The following GDPD4 variants were observed in gnomAD, a reference collection of about 807,000 sequenced individuals.
GDPD4 encodes the protein glycerophosphodiester phosphodiesterase 6.
GDPD4 carries 60 observed loss-of-function variants against 67.8 expected under a neutral mutation model. That is an observed-to-expected ratio of 0.88 (90% confidence interval 0.72 to 1.10). The LOEUF (loss-of-function observed/expected upper bound fraction) is 1.10, where lower values mean the gene tolerates loss of function less well. Ranked by LOEUF, GDPD4 falls within the 50% of genes least tolerant of loss-of-function variation. GDPD4 has a pLI of 0.00. For missense variants in GDPD4, 623 were observed against 613.9 expected, an observed-to-expected ratio of 1.01 and a Z score of -0.16; for synonymous variants, 212 against 210.9, an observed-to-expected ratio of 1.00 and a Z score of -0.04.
intron 11 of GDPD4, among the ~76,000 whole-genome samples, chr11:77,250,050 C>G (rs536491799): frequency 1.3e-4 from 20 of 152,076 alleles, no homozygotes; most frequent in African/African-American, 4.8e-4. Flanking sequence ...ACAGTATTAT[C>G]TGATTTTTAC....
Position 77,243,830 on chromosome 11 carries a change from G to A in GDPD4, c.1105C>T (p.His369Tyr). 1.2e-6 allele frequency: 2 copies of A among 1,613,154 alleles called. No homozygotes were observed. The highest frequency in any genetic ancestry group is 1.7e-6 in the Non-Finnish European group (2 of 1,179,632). Reference protein sequence around the residue: ...EQHLIFWLPAHDRQYVRSVAP... With the variant: ...EQHLIFWLPAYDRQYVRSVAP... The stretch of plus-strand genomic sequence containing the variant: ...ACGGACCTGACGTATTGCCTATCAT[G>A]AGCTGGCAACCAAAAAATCTCTAAG... Residue 369 changes from histidine (H) to tyrosine (Y), a missense_variant, in exon 13 of 17, where the codon CAT (histidine) becomes TAT (tyrosine). Transcript: ENST00000315938.
chr11:77,218,118 T>C (rs998628084), intron 16 of GDPD4, among the ~76,000 whole-genome samples: 1 of 151,666 alleles, frequency 6.6e-6, no homozygotes, highest in Non-Finnish European at 1.5e-5. Context: ...GTCAGCTTTA[T>C]AGGAGAAAGG....
rs1223546108 is a variant in GDPD4, at chr11:77,258,399, A to T, written c.851T>A (p.Phe284Tyr). 6.2e-7 allele frequency: 1 copy of T among 1,614,144 alleles called. No individual in the cohort carries two copies. Among genetic ancestry groups the T allele is most frequent in the Non-Finnish European group, 8.5e-7 (1 of 1,179,998 alleles). The change falls in exon 11 of 17, where the codon TTT (phenylalanine) becomes TAT (tyrosine). Residue 284 changes from phenylalanine to tyrosine, a missense_variant. Transcript: ENST00000315938. ...FLSTLNAGKW[F>Y]VKPELRPFYN... ...AATGTGTCTTACCTCTGGTTTTACA[A>T]ACCATTTGCCTGCATTCAGAGTCGA...
intron 1 of GDPD4, among the ~76,000 whole-genome samples, chr11:77,294,677 A>G (rs1937889602): frequency 6.6e-6 from 1 of 152,204 alleles, no homozygotes; most frequent in African/African-American, 2.4e-5. Flanking sequence ...GGCAAAGGAA[A>G]TAGACTAGCC....
intron 16 of GDPD4, among the ~76,000 whole-genome samples, chr11:77,225,628 G>A (rs1287070016): frequency 6.6e-6 from 1 of 151,490 alleles, no homozygotes; most frequent in Admixed American, 6.6e-5. Context: ...AGAAGAACAG[G>A]GGTAAGAAAA....
chr11:77,268,463 T>C lies in GDPD4; in HGVS notation c.701A>G (p.His234Arg), dbSNP rs564499929. ...CAGTTCCCTGCTTTCTTACCTTAAGTGTATATCAGTCTCCAATCCATGGGC... is the reference window on the plus strand; with the variant it reads ...CAGTTCCCTGCTTTCTTACCTTAAGCGTATATCAGTCTCCAATCCATGGGC... Reference protein sequence around the residue: ...HGAHGLETDIHLSYDHVPFLM... With the variant: ...HGAHGLETDIRLSYDHVPFLM... The change falls in exon 10 of 17, where the codon CAC (histidine) becomes CGC (arginine). Residue 234 changes from histidine to arginine, a missense_variant. By Grantham distance (29) the His-to-Arg change is conservative. Coordinates refer to ENST00000315938, the MANE Select transcript of GDPD4 (RefSeq NM_182833.3). 6.2e-7 allele frequency: 1 copy of C among 1,607,782 alleles called. No homozygotes were observed. Among genetic ancestry groups the C allele is most frequent in the Non-Finnish European group, 8.5e-7 (1 of 1,174,538 alleles).
intron 1 of GDPD4, among the ~76,000 whole-genome samples, chr11:77,297,075 A>G (rs1937997603): frequency 6.7e-6 from 1 of 149,260 alleles, no homozygotes; most frequent in South Asian, 2.1e-4. Context: ...AAAAAAAAAC[A>G]AAAAAATTCC....
intron 1 of GDPD4, among the ~76,000 whole-genome samples, chr11:77,298,406 C>T (rs976133228): frequency 6.6e-6 from 1 of 151,976 alleles, no homozygotes; most frequent in Non-Finnish European, 1.5e-5. Flanking sequence ...CAGCTACTTG[C>T]GAAGCTGAGG....
chr11:77,277,456 A>AGT (rs903282177), intron 4 of GDPD4, among the ~76,000 whole-genome samples: 10 of 115,506 alleles, frequency 8.7e-5, no homozygotes, highest in African/African-American at 3.0e-4. Context: ...GCTGGAGTGC[A>AGT]GTGTGGCTCG....
intron 10 of GDPD4, among the ~76,000 whole-genome samples, chr11:77,260,323 G>C: frequency 6.7e-6 from 1 of 149,470 alleles, no homozygotes; most frequent in East Asian, 1.9e-4. Flanking sequence ...AAAAATGGTC[G>C]GGGGAGGGGG....
chr11:77,272,852 C>T (rs1370174822), intron 5 of GDPD4, among the ~76,000 whole-genome samples: 1 of 151,970 alleles, frequency 6.6e-6, no homozygotes, highest in African/African-American at 2.4e-5. Context: ...CTTTCCTCTC[C>T]CGTATTAGTA....
intron 10 of GDPD4, among the ~76,000 whole-genome samples, chr11:77,263,681 GAAGAT>G (rs1959161951): frequency 6.6e-6 from 1 of 152,122 alleles, no homozygotes; most frequent in African/African-American, 2.4e-5. Flanking sequence ...AATTTTAAAT[GAAGAT>G]AAGATAGTAT....
chr11:77,217,072 C>T lies in GDPD4; in HGVS notation c.*205G>A, dbSNP rs189996431. On this transcript the variant is annotated 3_prime_UTR_variant, in exon 17 of 17. Coordinates refer to ENST00000315938, the MANE Select transcript of GDPD4 (RefSeq NM_182833.3). ...TGAGTTCAAAGACCACGGTGGGCATCGGTGGTTGAATCTCATGCTTGCCAG... is the reference window on the plus strand; with the variant it reads ...TGAGTTCAAAGACCACGGTGGGCATTGGTGGTTGAATCTCATGCTTGCCAG... 2.0e-5 allele frequency: 14 copies of T among 704,830 alleles called. No individual in the cohort carries two copies. The highest frequency in any genetic ancestry group is 3.6e-5 in the Non-Finnish European group (14 of 385,208). 43.7% of individuals were successfully genotyped at this position (704,830 alleles called of 1,614,324 possible). A position where few individuals can be genotyped will look rare whatever the true frequency, so the allele number is the denominator to read the frequency against.
Position 77,268,928 on chromosome 11 carries a change from G to A in GDPD4, c.620C>T (p.Pro207Leu), listed in dbSNP as rs773951482. The A allele has an allele frequency of 2.7e-5, 43 of 1,613,610 alleles. No homozygotes were observed. In the African/African-American group the frequency reaches 5.7e-4, roughly 22 times the overall value. Residue 207 changes from proline to leucine, a missense_variant, in exon 9 of 17, where the codon CCC becomes CTC. Coordinates refer to ENST00000315938, the MANE Select transcript of GDPD4 (RefSeq NM_182833.3). ...GTTCATCATGCTCAGACCTACCATG[G>A]GTGCACCTCTATGTCCAAAGATGGT... is the stretch of plus-strand genomic sequence containing the variant. ...KPTIFGHRGA[P>L]MLGPENTMMS...
rs143118340 is a variant in GDPD4, at chr11:77,298,922, G to T, written c.-254+2683C>A. Among the ~76,000 whole-genome samples, 12 of 152,070 alleles carry T rather than the reference G, an allele frequency of 7.9e-5. No individual in the cohort carries two copies. In the East Asian group the frequency reaches 1.5e-3, roughly 20 times the overall value. On this transcript the variant is annotated intron_variant, in intron 1 of 16. Transcript: ENST00000315938. ...GGGTTAAATAAAACACATCTGATGA[G>T]AATTTATGGTTTGTAGGGCATGACT...
At chr11:77,279,188 A>T (rs1425405918) in intron 4 of GDPD4, 118 bp downstream of exon 4, 6 of 626,370 alleles carry the variant, frequency 9.6e-6, no homozygotes, top group Non-Finnish European at 1.4e-5. Context: ...CTCTACTAAG[A>T]CAAGAGTGAT....
Position 77,277,556 on chromosome 11 carries a change from C to T in GDPD4, c.148-1336G>A, listed in dbSNP as rs1412885550. On this transcript the variant is annotated intron_variant, in intron 4 of 16. Coordinates refer to ENST00000315938, the MANE Select transcript of GDPD4 (RefSeq NM_182833.3). ...TAGCTGGGACTATGGGCGCCCGCCA[C>T]CACGCCTGGCTAATTTTTTTTTATA... Among the ~76,000 whole-genome samples the T allele has an allele frequency of 1.3e-5, 2 of 151,582 alleles. 1 individual carries two copies. Among genetic ancestry groups the T allele is most frequent in the African/African-American group, 4.8e-5 (2 of 41,340 alleles).
At chr11:77,255,966 GA>G (rs921944859) in intron 11 of GDPD4, among the ~76,000 whole-genome samples, 2 of 152,130 alleles carry the variant, frequency 1.3e-5, no homozygotes, top group Non-Finnish European at 2.9e-5. Flanking sequence ...TTAGAATTAT[GA>G]AAAAAATTAA....
intron 11 of GDPD4, among the ~76,000 whole-genome samples, chr11:77,252,903 C>G (rs1958934861): frequency 6.6e-6 from 1 of 152,202 alleles, no homozygotes; most frequent in Non-Finnish European, 1.5e-5. Context: ...TTCTCCAATT[C>G]TTGTTTTCCC....
Sources: gnomAD v4.1 joint callset for allele counts (sites outside exome capture counted in the v4.1 genomes callset) on GRCh38, gnomAD v4.1.1 for gene constraint, MANE v1.5 for transcripts, NCBI Gene and HGNC (gene_info 2026-07-23, HGNC 2026-07-21) for gene names.